Variants in DPP10 observed in about 807,000 individuals in gnomAD.
DPP10 encodes the protein dipeptidyl peptidase like 10.
A neutral mutation model predicts 120.9 loss-of-function variants in DPP10; 33 were observed. The ratio of observed to expected loss-of-function variants is 0.27; its 90% CI spans 0.21 to 0.37. The LOEUF (loss-of-function observed/expected upper bound fraction) is 0.37, where lower values mean the gene tolerates loss of function less well. DPP10 is among the 10% of genes least tolerant of loss of function. DPP10 has a pLI of 1.00. For missense variants in DPP10, 816 were observed against 942.8 expected, an observed-to-expected ratio of 0.87 and a Z score of 1.76; for synonymous variants, 337 against 326.1, an observed-to-expected ratio of 1.03 and a Z score of -0.36.
chr2:115,132,336 T>C (rs1325231782), intron 1 of DPP10, among the ~76,000 whole-genome samples: 1 of 152,120 alleles, frequency 6.6e-6, no homozygotes, highest in Non-Finnish European at 1.5e-5. Context: ...TCTTACTTAA[T>C]CTTTTCTAGA....
chr2:115,499,746 C>T, intron 4 of DPP10, 142 bp downstream of exon 4: 1 of 506,400 alleles, frequency 2.0e-6, no homozygotes. Context: ...TCATAAGAAT[C>T]AGTAAATCTA....
intron 1 of DPP10, among the ~76,000 whole-genome samples, chr2:115,150,671 C>CT (rs2051489316): frequency 1.3e-5 from 2 of 152,122 alleles, no homozygotes; most frequent in Admixed American, 6.6e-5. Flanking sequence ...CACCATAATT[C>CT]TTAGGCTTAT....
intron 7 of DPP10, among the ~76,000 whole-genome samples, chr2:115,715,065 C>T (rs1471745433): frequency 3.4e-5 from 5 of 146,366 alleles, no homozygotes; most frequent in Admixed American, 6.9e-5. Context: ...AAAAGCCAGG[C>T]GCAGTGGCTC....
chr2:115,243,015 G>A (rs902530407), intron 1 of DPP10, among the ~76,000 whole-genome samples: 4 of 122,294 alleles, frequency 3.3e-5, no homozygotes, highest in South Asian at 2.5e-4. Context: ...ATAAATTATA[G>A]TGTTTTATAA....
intron 1 of DPP10, among the ~76,000 whole-genome samples, chr2:114,802,153 A>G (rs568496721): frequency 6.6e-6 from 1 of 152,350 alleles, no homozygotes; most frequent in South Asian, 2.1e-4. Context: ...GTAAAAGAAT[A>G]TAAATTATCT....
At chr2:115,626,615 A>G (rs898098012) in intron 5 of DPP10, among the ~76,000 whole-genome samples, 1 of 152,198 alleles carries the variant, frequency 6.6e-6, no homozygotes, top group African/African-American at 2.4e-5. Flanking sequence ...GTATGAAAGA[A>G]TTAGTGAGTA....
rs534335521 is a variant in DPP10 at position 115,142,878 on chromosome 2, C to T, written c.61-166361C>T. Reference sequence around the variant, plus strand: ...TAGTTTTTTCTCCCTCTAAGAGAGGCCTATTACCCTTGCTGCTGCTGCTGG... The same window carrying T: ...TAGTTTTTTCTCCCTCTAAGAGAGGTCTATTACCCTTGCTGCTGCTGCTGG... On this transcript the variant is annotated intron_variant, in intron 1 of 25. Transcript: ENST00000410059. Among the ~76,000 whole-genome samples the T allele has an allele frequency of 1.1e-4, 16 of 152,214 alleles. No homozygotes were observed. The South Asian group carries it at 1.2e-3, about 12-fold the overall frequency.
chr2:114,897,276 T>G (rs1693100588), intron 1 of DPP10, among the ~76,000 whole-genome samples: 2 of 152,202 alleles, frequency 1.3e-5, no homozygotes, highest in Non-Finnish European at 2.9e-5. Flanking sequence ...GGATTCCCTC[T>G]TTTTCTATTT....
At chr2:115,555,142 G>A (rs966184151) in intron 5 of DPP10, among the ~76,000 whole-genome samples, 1 of 152,000 alleles carries the variant, frequency 6.6e-6, no homozygotes, top group Admixed American at 6.6e-5. Context: ...TATTGATGGG[G>A]AAATTTATTT....
At chr2:115,557,176 T>C (rs1412631005) in intron 5 of DPP10, among the ~76,000 whole-genome samples, 1 of 152,178 alleles carries the variant, frequency 6.6e-6, no homozygotes, top group Non-Finnish European at 1.5e-5. Context: ...TCTCTCTCTC[T>C]GTACATACTG....
chr2:114,969,766 T>C (rs1157809348), intron 1 of DPP10, among the ~76,000 whole-genome samples: 2 of 152,156 alleles, frequency 1.3e-5, no homozygotes, highest in Admixed American at 6.5e-5. Context: ...CTAGCCGACT[T>C]TTCCTGTCAT....
At chr2:115,313,762 C>G (rs1345781080) in intron 2 of DPP10, among the ~76,000 whole-genome samples, 1 of 152,150 alleles carries the variant, frequency 6.6e-6, no homozygotes, top group Non-Finnish European at 1.5e-5. Context: ...GAAGTCCTAA[C>G]TATTTTTGAA....
At chr2:115,537,443 G>A (rs917116652) in intron 5 of DPP10, among the ~76,000 whole-genome samples, 2 of 151,878 alleles carry the variant, frequency 1.3e-5, no homozygotes, top group Non-Finnish European at 2.9e-5. Context: ...TTGAATGTGA[G>A]TTAAGCAGTT....
At chr2:115,225,971 G>A (rs775190931) in intron 1 of DPP10, among the ~76,000 whole-genome samples, 16 of 152,044 alleles carry the variant, frequency 1.1e-4, no homozygotes, top group Non-Finnish European at 2.1e-4. Context: ...TTACTCACTA[G>A]CAGTATCATT....
chr2:114,596,007 G>A (rs186155795), intron 1 of DPP10, among the ~76,000 whole-genome samples: 8 of 152,138 alleles, frequency 5.3e-5, no homozygotes, highest in Admixed American at 2.6e-4. Context: ...GAAGCTCCTC[G>A]GTATTTTGAT....
At chr2:114,921,611 T>C (rs890783760) in intron 1 of DPP10, among the ~76,000 whole-genome samples, 5 of 152,198 alleles carry the variant, frequency 3.3e-5, no homozygotes, top group Non-Finnish European at 7.3e-5. Context: ...ATATGTAGTT[T>C]TATCAAAATT....
At chr2:115,428,631 A>G (rs1459246500) in intron 3 of DPP10, among the ~76,000 whole-genome samples, 1 of 152,136 alleles carries the variant, frequency 6.6e-6, no homozygotes, top group Non-Finnish European at 1.5e-5. Context: ...AACCATTCAG[A>G]TGACCAAAGC....
intron 1 of DPP10, among the ~76,000 whole-genome samples, chr2:114,588,931 C>T (rs190029501): frequency 1.5e-3 from 220 of 150,344 alleles, no homozygotes; most frequent in African/African-American, 4.8e-3. Context: ...AGTAGGAAAC[C>T]TAAAACTCAT....
chr2:115,213,450 A>G (rs2056639024), intron 1 of DPP10, among the ~76,000 whole-genome samples: 1 of 152,080 alleles, frequency 6.6e-6, no homozygotes, highest in Admixed American at 6.6e-5. Context: ...TATATCAGGT[A>G]TTCATGGAAC....
Sources: allele counts gnomAD v4.1 joint callset (sites outside exome capture counted in the v4.1 genomes callset), GRCh38; gene constraint gnomAD v4.1.1; transcripts MANE v1.5; gene names NCBI Gene and HGNC (gene_info 2026-07-23, HGNC 2026-07-21).